DMD: variants seen among roughly 807,000 people sequenced by gnomAD.
DMD encodes mutant dystrophin.
A neutral mutation model predicts 330.1 loss-of-function variants in DMD; 63 were observed. That is an observed-to-expected ratio of 0.19 (90% CI 0.16 to 0.24). The LOEUF is 0.24. Among genes scored for constraint, DMD ranks in the 10% least tolerant of loss-of-function variants. The pLI is 1.00. For synonymous variants in DMD, 1,223 were observed against 959.8 expected (o/e 1.27, Z -5.07); for missense variants, 3,344 against 2,684.1 (o/e 1.25, Z -5.43).
chrX:32,205,036 CA>C, intron 44 of DMD, among the ~76,000 whole-genome samples: 1 of 83,156 alleles, frequency 1.2e-5, no homozygotes, highest in Non-Finnish European at 2.4e-5. Flanking sequence ...CACACACACA[CA>C]CACACCCACA....
At chrX:33,272,894 G>T (rs2053182000) in intron 1 of DMD, among the ~76,000 whole-genome samples, 1 of 111,145 alleles carries the variant, frequency 9.0e-6, no homozygotes, top group African/African-American at 3.3e-5. Context: ...TTGGAATATT[G>T]ACAAATCCTA....
chrX:31,157,323 T>C lies in DMD; in HGVS notation c.10554-9805A>G, dbSNP rs145624473. ...TCAGATGCTAATTCATTACTGTCTA[T>C]AGACTAAATGTATTAATCAAAAGTT... On this transcript the variant is annotated intron_variant, in intron 74 of 78. Coordinates refer to ENST00000357033, the MANE Select transcript of DMD (RefSeq NM_004006.3). Among the ~76,000 whole-genome samples, 417 of 112,213 alleles carry C rather than the reference T, an allele frequency of 3.7e-3. 5 individuals are homozygous for C. Among genetic ancestry groups the C allele is most frequent in the African/African-American group, 0.012 (370 of 30,893 alleles).
At chrX:32,130,990 G>A in intron 44 of DMD, among the ~76,000 whole-genome samples, 1 of 111,762 alleles carries the variant, frequency 8.9e-6, no homozygotes, top group Middle Eastern at 4.6e-3. Flanking sequence ...CTCGAGAACA[G>A]CCTGGCCAAT....
At chrX:32,044,587 A>C (rs1185988727) in intron 44 of DMD, among the ~76,000 whole-genome samples, 1 of 109,650 alleles carries the variant, frequency 9.1e-6, no homozygotes, top group African/African-American at 3.3e-5. Flanking sequence ...ATGCCCAGCT[A>C]ATTTTTTTGT....
chrX:32,323,299 G>A (rs1025175400), intron 41 of DMD, among the ~76,000 whole-genome samples: 1 of 111,042 alleles, frequency 9.0e-6, no homozygotes, highest in African/African-American at 3.3e-5. Context: ...TCAAAATGCT[G>A]AAACCAGTGC....
rs1384645645 is a variant in DMD at position 32,451,386 on chromosome X, T to TAATAGAGTAAAAATTAA, written c.3604-2765_3604-2749dup. ...CTGGTAAGCACTAGTACTAGAGTTATAATAGAGTAAAAATTAAAAAAAAAT... is the reference window on the plus strand; with the variant it reads ...CTGGTAAGCACTAGTACTAGAGTTATAATAGAGTAAAAATTAAAATAGAGTAAAAATTAAAAAAAAAT... On this transcript the variant is annotated intron_variant, in intron 26 of 78. Transcript: ENST00000357033. Among the ~76,000 whole-genome samples the TAATAGAGTAAAAATTAA allele has an allele frequency of 1.9e-3, 212 of 110,590 alleles. 2 individuals are homozygous for TAATAGAGTAAAAATTAA. The highest frequency in any genetic ancestry group is 6.9e-3 in the African/African-American group (210 of 30,573).
chrX:32,928,775 A>AT (rs1482648072), intron 2 of DMD, among the ~76,000 whole-genome samples: 1 of 112,102 alleles, frequency 8.9e-6, no homozygotes, highest in Non-Finnish European at 1.9e-5. Flanking sequence ...GTTAACTTAC[A>AT]TGGGGTTGGG....
intron 60 of DMD, among the ~76,000 whole-genome samples, chrX:31,393,723 C>G (rs1221925709): frequency 9.0e-6 from 1 of 111,369 alleles, no homozygotes; most frequent in Admixed American, 9.6e-5. Context: ...TCCTATTGAA[C>G]AGATAAATAA....
At chrX:32,201,128 T>C (rs2097034014) in intron 44 of DMD, among the ~76,000 whole-genome samples, 1 of 112,053 alleles carries the variant, frequency 8.9e-6, no homozygotes, top group African/African-American at 3.2e-5. Context: ...CTGCAGATAG[T>C]ACTGAGCCCT....
rs187140673 is a variant in DMD, at chrX:32,128,716, T to C, written c.6438+88200A>G. Among the ~76,000 whole-genome samples, 54 of 112,047 alleles carry C rather than the reference T, an allele frequency of 4.8e-4. No individual in the cohort carries two copies. The Admixed American group carries it at 5.0e-3, about 10-fold the overall frequency. Reference sequence around the variant, plus strand: ...CTTTAAAGCCTATGGGTGGTATTTATCACCATTCAACACTCGCATTTATCA... The same window carrying C: ...CTTTAAAGCCTATGGGTGGTATTTACCACCATTCAACACTCGCATTTATCA... On this transcript the variant is annotated intron_variant, in intron 44 of 78. Coordinates refer to ENST00000357033, the MANE Select transcript of DMD (RefSeq NM_004006.3).
intron 54 of DMD, among the ~76,000 whole-genome samples, chrX:31,642,509 T>C (rs922779495): frequency 8.9e-6 from 1 of 112,399 alleles, no homozygotes; most frequent in African/African-American, 3.2e-5. Flanking sequence ...TTTGCTTTAG[T>C]TGATTTCAAA....
rs374298104 is a variant in DMD, at chrX:31,341,891, G to GCGCACACACACACACA, written c.9163+6664_9163+6665insTGTGTGTGTGTGTGCG. Among the ~76,000 whole-genome samples, 4 of 98,891 alleles carry GCGCACACACACACACA rather than the reference G, an allele frequency of 4.0e-5. 1 individual carries two copies. In the Admixed American group the frequency reaches 4.4e-4, roughly 11 times the overall value. 85.9% of individuals were successfully genotyped at this position (98,891 alleles called of 115,157 possible). ...GGCGTGCGCGCGTGCGTGCGCGCGCGCACACACACACACACACACACACAC... is the reference window on the plus strand; with the variant it reads ...GGCGTGCGCGCGTGCGTGCGCGCGCGCGCACACACACACACACACACACACACACACACACACACAC... On this transcript the variant is annotated intron_variant, in intron 61 of 78. Transcript: ENST00000357033.
chrX:32,554,853 AG>A (rs1569189799), intron 16 of DMD, among the ~76,000 whole-genome samples: 6 of 63,357 alleles, frequency 9.5e-5, no homozygotes, highest in Non-Finnish European at 1.4e-4. Flanking sequence ...AGAGAGAGAG[AG>A]AGAGAGAGAG....
chrX:31,680,544 T>TG (rs2082323427), intron 52 of DMD, among the ~76,000 whole-genome samples: 1 of 109,326 alleles, frequency 9.1e-6, no homozygotes, highest in Admixed American at 9.8e-5. Context: ...CTAATTTTTT[T>TG]TTTTTGTATT....
intron 47 of DMD, among the ~76,000 whole-genome samples, chrX:31,922,090 C>T (rs1293666078): frequency 2.7e-5 from 3 of 111,410 alleles, no homozygotes; most frequent in Non-Finnish European, 5.7e-5. Context: ...AATGTTCCCT[C>T]GCCTTTCAGA....
chrX:32,639,584 T>C (rs1419121804), intron 11 of DMD, among the ~76,000 whole-genome samples: 1 of 112,432 alleles, frequency 8.9e-6, no homozygotes, highest in Non-Finnish European at 1.9e-5. Context: ...AACTTCTTTA[T>C]TGTATTAGCT....
At chrX:32,770,915 A>G (rs2073528655) in intron 7 of DMD, among the ~76,000 whole-genome samples, 1 of 112,183 alleles carries the variant, frequency 8.9e-6, no homozygotes. Flanking sequence ...GAGAGGATTT[A>G]GAGAGGGAAA....
At chrX:32,297,671 C>T (rs975436263) in intron 42 of DMD, among the ~76,000 whole-genome samples, 1 of 111,418 alleles carries the variant, frequency 9.0e-6, no homozygotes, top group African/African-American at 3.3e-5. Flanking sequence ...ATAAAGTAAA[C>T]AAATAGAGAA....
At chrX:32,186,138 TA>T (rs2096945564) in intron 44 of DMD, among the ~76,000 whole-genome samples, 1 of 111,106 alleles carries the variant, frequency 9.0e-6, no homozygotes, top group Admixed American at 9.6e-5. Context: ...ATTTTTTAAT[TA>T]AAAGGTGAAA....
Sources: allele counts gnomAD v4.1 joint callset (sites outside exome capture counted in the v4.1 genomes callset), GRCh38; gene constraint gnomAD v4.1.1; transcripts MANE v1.5; gene names NCBI Gene and HGNC (gene_info 2026-07-23, HGNC 2026-07-21).